SPMIP4: variants seen among roughly 807,000 people sequenced by gnomAD.
SPMIP4 encodes the protein sperm microtubule inner protein 4.
At chr7:25,140,217 C>T in the SPMIP4 span, among the ~76,000 whole-genome samples, 1 of 152,136 alleles carries the variant, frequency 6.6e-6, no homozygotes, top group African/African-American at 2.4e-5. Context: ...AGCCTATAAA[C>T]CTGCTCCTGG....
At chr7:25,152,372 TAA>T in the SPMIP4 span, among the ~76,000 whole-genome samples, 17 of 152,338 alleles carry the variant, frequency 1.1e-4, no homozygotes, top group Admixed American at 9.8e-4. Flanking sequence ...GCTCTCGTGA[TAA>T]GTTTCAAGTT....
the SPMIP4 span, among the ~76,000 whole-genome samples, chr7:25,175,023 T>C: frequency 6.6e-6 from 1 of 152,226 alleles, no homozygotes; most frequent in East Asian, 1.9e-4. Flanking sequence ...ATAGTCCTGG[T>C]TTTCTTATAT....
At chr7:25,172,477 A>G in the SPMIP4 span, among the ~76,000 whole-genome samples, 1 of 152,316 alleles carries the variant, frequency 6.6e-6, no homozygotes, top group African/African-American at 2.4e-5. This position sits in a 1 kb window ranked among gnomAD's most constrained non-coding sequence, Gnocchi z 4.2. Flanking sequence ...TTTTGGTTAC[A>G]TGTAGCATGG....
At chr7:25,137,859 T>C in the SPMIP4 span, among the ~76,000 whole-genome samples, 2 of 152,176 alleles carry the variant, frequency 1.3e-5, no homozygotes, top group Admixed American at 6.5e-5. Flanking sequence ...AGATTACCCA[T>C]AATATGGGGT....
the SPMIP4 span, among the ~76,000 whole-genome samples, chr7:25,177,252 G>C: frequency 1.5e-4 from 23 of 152,140 alleles, no homozygotes; most frequent in Non-Finnish European, 2.9e-4. Flanking sequence ...GGAGGCTGAG[G>C]CGGATGGATC....
At chr7:25,142,662 A>G in the SPMIP4 span, 2 of 1,612,960 alleles carry the variant, frequency 1.2e-6, no homozygotes, top group East Asian at 2.2e-5. Flanking sequence ...GAGTGTACGA[A>G]GTGAGCCAGT....
the SPMIP4 span, among the ~76,000 whole-genome samples, chr7:25,171,891 AC>A: frequency 1.3e-5 from 2 of 152,184 alleles, no homozygotes; most frequent in African/African-American, 2.4e-5. Flanking sequence ...TCTACCCTAA[AC>A]TTAAGCTTGG....
the SPMIP4 span, among the ~76,000 whole-genome samples, chr7:25,164,940 C>T: frequency 6.6e-6 from 1 of 152,228 alleles, no homozygotes; most frequent in South Asian, 2.1e-4. Context: ...CTCCAGGTTG[C>T]TGTGAATGCC....
the SPMIP4 span, among the ~76,000 whole-genome samples, chr7:25,172,346 G>C: frequency 6.6e-6 from 1 of 152,162 alleles, no homozygotes; most frequent in African/African-American, 2.4e-5. The surrounding 1 kb of genome is among the most constrained non-coding windows in gnomAD (Gnocchi z 4.2). Flanking sequence ...AGGGAGATGA[G>C]AGGAGCCAGC....
At chr7:25,158,674 C>T in the SPMIP4 span, 4,516 of 617,598 alleles carry the variant, frequency 7.3e-3, 33 homozygotes, top group Middle Eastern at 0.02. Context: ...CCAAGGTGGG[C>T]GGATCGCTTG....
the SPMIP4 span, among the ~76,000 whole-genome samples, chr7:25,144,531 C>T: frequency 6.6e-6 from 1 of 152,350 alleles, no homozygotes; most frequent in Non-Finnish European, 1.5e-5. Context: ...ACTGCCAACC[C>T]TTGGGAAGAT....
chr7:25,134,373 A>C, the SPMIP4 span, among the ~76,000 whole-genome samples: 9 of 151,986 alleles, frequency 5.9e-5, no homozygotes, highest in East Asian at 7.7e-4. Context: ...AAAAACAAAA[A>C]ACACACACAC....
At chr7:25,133,695 C>T in the SPMIP4 span, among the ~76,000 whole-genome samples, 1 of 152,020 alleles carries the variant, frequency 6.6e-6, no homozygotes, top group Admixed American at 6.6e-5. Context: ...ATGGAAAATA[C>T]CGTGTTTGGA....
At chr7:25,149,843 C>T in the SPMIP4 span, among the ~76,000 whole-genome samples, 3 of 152,148 alleles carry the variant, frequency 2.0e-5, no homozygotes, top group South Asian at 2.1e-4. Flanking sequence ...TACCCAGATA[C>T]GTTTTATGAA....
At chr7:25,135,390 T>C in the SPMIP4 span, 1 of 985,548 alleles carries the variant, frequency 1.0e-6, no homozygotes, top group Non-Finnish European at 1.2e-6. Context: ...TTTTTTTCGC[T>C]GACTTATTTT....
At chr7:25,143,502 T>A in the SPMIP4 span, among the ~76,000 whole-genome samples, 2 of 151,860 alleles carry the variant, frequency 1.3e-5, no homozygotes, top group African/African-American at 4.8e-5. Flanking sequence ...ACATATTGGC[T>A]AGTAGGGGAG....
the SPMIP4 span, among the ~76,000 whole-genome samples, chr7:25,146,778 TGTTAAAAACATTTCAAA>T: frequency 6.6e-6 from 1 of 152,232 alleles, no homozygotes; most frequent in Non-Finnish European, 1.5e-5. Flanking sequence ...AAAATGGTTT[TGTTAAAAACATTTCAAA>T]AAGTCCAAAG....
the SPMIP4 span, among the ~76,000 whole-genome samples, chr7:25,172,492 G>T: frequency 1.3e-5 from 2 of 152,204 alleles, no homozygotes; most frequent in African/African-American, 4.8e-5. The surrounding 1 kb of genome is among the most constrained non-coding windows in gnomAD (Gnocchi z 4.2). Flanking sequence ...GCATGGCATG[G>T]TGTGACTCTC....
chr7:25,157,003 T>C, the SPMIP4 span, among the ~76,000 whole-genome samples: 1 of 151,684 alleles, frequency 6.6e-6, no homozygotes, highest in East Asian at 1.9e-4. Flanking sequence ...GAAGCTATTA[T>C]ATAAGATGAG....
Sources: allele counts gnomAD v4.1 joint callset (sites outside exome capture counted in the v4.1 genomes callset), GRCh38; gene constraint gnomAD v4.1.1; non-coding constraint Gnocchi (gnomAD v3.1); transcripts MANE v1.5; gene names NCBI Gene and HGNC (gene_info 2026-07-23, HGNC 2026-07-21).